Variants in ZFHX3 observed in about 807,000 individuals in gnomAD.
ZFHX3 encodes the protein zinc finger homeobox protein 3.
Under a neutral mutation model 279.1 loss-of-function variants are expected in ZFHX3, and 42 were observed. The ratio of observed to expected loss-of-function variants is 0.15; its 90% CI spans 0.12 to 0.19. The LOEUF is 0.19. Among genes scored for constraint, ZFHX3 ranks in the 10% least tolerant of loss-of-function variants. The pLI, the probability that ZFHX3 is intolerant of heterozygous loss-of-function variation, is 1.00. For synonymous variants in ZFHX3, 2,293 were observed against 1,957.8 expected, an observed-to-expected ratio of 1.17 and a Z score of -4.52; for missense variants, 4,981 against 4,754.0, an observed-to-expected ratio of 1.05 and a Z score of -1.40.
intron 1 of ZFHX3, among the ~76,000 whole-genome samples, chr16:73,889,415 C>T (rs1246994035): frequency 6.6e-6 from 1 of 152,174 alleles, no homozygotes; most frequent in Non-Finnish European, 1.5e-5. Context: ...CAGCTGCCTT[C>T]ATCTGGGAAG....
chr16:73,532,198 T>G (rs1236516709), intron 2 of ZFHX3, among the ~76,000 whole-genome samples: 3 of 152,290 alleles, frequency 2.0e-5, no homozygotes, highest in African/African-American at 7.2e-5. Context: ...TCCCACGTGT[T>G]ATGGGAGGGA....
chr16:73,823,537 G>C (rs896370865), intron 1 of ZFHX3, among the ~76,000 whole-genome samples: 6 of 152,164 alleles, frequency 3.9e-5, no homozygotes, highest in African/African-American at 1.4e-4. Context: ...CTAGAATAGG[G>C]GTTGACCAAC....
chr16:72,817,033 C>T lies in ZFHX3; in HGVS notation c.3530-4995G>A, dbSNP rs1166755832. Among the ~76,000 whole-genome samples the T allele has an allele frequency of 2.6e-5, 4 of 152,262 alleles. No individual in the cohort carries two copies. In the East Asian group the frequency reaches 7.7e-4, roughly 29 times the overall value. ...CATGCAAAGTTTTGTTTGGAATTTG[C>T]AAGAAATGGTTTTATTACGTTGTAA... is the stretch of plus-strand genomic sequence containing the variant. On this transcript the variant is annotated intron_variant, in intron 5 of 9. Coordinates refer to ENST00000268489, the MANE Select transcript of ZFHX3 (RefSeq NM_006885.4).
At chr16:73,502,701 G>C (rs1244145988) in intron 2 of ZFHX3, among the ~76,000 whole-genome samples, 1 of 152,206 alleles carries the variant, frequency 6.6e-6, no homozygotes, top group East Asian at 1.9e-4. Context: ...GGGAGCAATG[G>C]ATATCAGCCG....
intron 3 of ZFHX3, among the ~76,000 whole-genome samples, chr16:72,920,184 A>G (rs1015863219): frequency 6.6e-6 from 1 of 151,774 alleles, no homozygotes; most frequent in Non-Finnish European, 1.5e-5. Flanking sequence ...TGCCAACTTA[A>G]AAAAAAATAA....
chr16:73,126,548 T>G (rs1039936713), intron 7 of ZFHX3: 1 of 152,098 alleles, frequency 6.6e-6, no homozygotes, highest in Non-Finnish European at 1.5e-5. Context: ...AGGGTACACG[T>G]TGGAAAAAAA....
upstream of ZFHX3, among the ~76,000 whole-genome samples, chr16:73,064,173 TG>T (rs1965718530): frequency 3.3e-5 from 5 of 150,666 alleles, no homozygotes; most frequent in South Asian, 8.5e-4. Flanking sequence ...ACTAGATCCC[TG>T]GGGGGCAGGA....
chr16:73,331,443 C>T (rs1392429647), intron 3 of ZFHX3, among the ~76,000 whole-genome samples: 1 of 152,178 alleles, frequency 6.6e-6, no homozygotes, highest in Admixed American at 6.5e-5. Flanking sequence ...CTCAATGTGA[C>T]AAGAGCCATG....
chr16:73,386,933 T>C (rs919357773), intron 3 of ZFHX3: 2 of 152,092 alleles, frequency 1.3e-5, no homozygotes, highest in African/African-American at 4.8e-5. Context: ...CTGTTAGTGA[T>C]CTCCCTCGCA....
chr16:73,421,560 T>C (rs929608440), intron 3 of ZFHX3, among the ~76,000 whole-genome samples: 3 of 152,210 alleles, frequency 2.0e-5, no homozygotes, highest in African/African-American at 7.2e-5. Flanking sequence ...ACCATAGTGA[T>C]AAATGTACAA....
chr16:72,806,353 T>G (rs1313597689), intron 7 of ZFHX3, among the ~76,000 whole-genome samples: 1 of 151,542 alleles, frequency 6.6e-6, no homozygotes, highest in Non-Finnish European at 1.5e-5. Context: ...ACATGAAGAG[T>G]TATACACGTG....
intron 5 of ZFHX3, among the ~76,000 whole-genome samples, chr16:73,193,273 G>T (rs1968081406): frequency 6.6e-6 from 1 of 152,192 alleles, no homozygotes; most frequent in Non-Finnish European, 1.5e-5. Flanking sequence ...ACTCAGGAAG[G>T]CACCACCTCT....
At chr16:73,816,290 T>C (rs563839112) in intron 1 of ZFHX3, among the ~76,000 whole-genome samples, 30 of 152,284 alleles carry the variant, frequency 2.0e-4, no homozygotes, top group East Asian at 1.9e-4. Context: ...ATAATCTTAA[T>C]GTATAAGCTC....
chr16:73,271,295 A>G (rs1029725716), intron 4 of ZFHX3, among the ~76,000 whole-genome samples: 7 of 152,094 alleles, frequency 4.6e-5, no homozygotes, highest in Admixed American at 3.3e-4. Context: ...CTTCTAAGTC[A>G]GTCTTCTTGT....
At chr16:73,641,407 T>C (rs1597042269) in intron 2 of ZFHX3, among the ~76,000 whole-genome samples, 1 of 152,092 alleles carries the variant, frequency 6.6e-6, no homozygotes, top group Non-Finnish European at 1.5e-5. Flanking sequence ...TGCGGCCCCC[T>C]GAAGTGCACG....
At position 72,794,802 on chromosome 16, in the gene ZFHX3, C is replaced by T; in HGVS notation, c.7880G>A (p.Gly2627Asp). The change falls in exon 9 of 10, where the codon GGC (glycine) becomes GAC (aspartate). Residue 2627 changes from glycine (G) to aspartate (D), a missense_variant. Physicochemically the swap from Gly to Asp is moderately conservative, Grantham distance 94. Coordinates refer to ENST00000268489, the MANE Select transcript of ZFHX3 (RefSeq NM_006885.4). The surrounding 1 kb of genome is among the most constrained non-coding windows in gnomAD (Gnocchi z 4.2). ...KLEEKASASP[G>D]ENDSGTGGEE... ...TCCTCCTGTCCCACTGTCGTTTTCG[C>T]CAGGGCTTGCACTGGCCTTTTCCTC... The T allele has an allele frequency of 6.2e-7, 1 of 1,614,152 alleles. No homozygotes were observed. The highest frequency in any genetic ancestry group is 8.5e-7 in the Non-Finnish European group (1 of 1,180,036).
chr16:73,323,760 C>T (rs571899344), intron 3 of ZFHX3, among the ~76,000 whole-genome samples: 2 of 152,260 alleles, frequency 1.3e-5, no homozygotes, highest in East Asian at 3.9e-4. Flanking sequence ...GCCTCTAAGA[C>T]CAGTGAAGAC....
intron 1 of ZFHX3, among the ~76,000 whole-genome samples, chr16:73,758,891 G>A (rs1167899156): frequency 6.6e-6 from 1 of 152,208 alleles, no homozygotes; most frequent in Non-Finnish European, 1.5e-5. Context: ...GTTTTATACA[G>A]TATGCTGTAA....
chr16:72,986,367 A>G (rs1488840790), intron 1 of ZFHX3, among the ~76,000 whole-genome samples: 9 of 152,178 alleles, frequency 5.9e-5, no homozygotes, highest in Admixed American at 2.6e-4. Flanking sequence ...TTGTTCTAAC[A>G]CATTTAAGAA....
Sources: allele counts gnomAD v4.1 joint callset (sites outside exome capture counted in the v4.1 genomes callset), GRCh38; gene constraint gnomAD v4.1.1; non-coding constraint Gnocchi (gnomAD v3.1); transcripts MANE v1.5; gene names NCBI Gene and HGNC (gene_info 2026-07-23, HGNC 2026-07-21).